The following MAP3K7CL variants were observed in gnomAD, a reference collection of about 807,000 sequenced individuals.
MAP3K7CL encodes MAP3K7 C-terminal-like protein.
MAP3K7CL carries 16 observed loss-of-function variants against 18.6 expected under a neutral mutation model. That is an observed-to-expected ratio of 0.86 (90% CI 0.58 to 1.31). The LOEUF is 1.31. Among genes scored for constraint, MAP3K7CL ranks in the 50% most tolerant of loss-of-function variants. The pLI is 0.00. For missense variants in MAP3K7CL, 163 were observed against 174.4 expected, an observed-to-expected ratio of 0.93 and a Z score of 0.37; for synonymous variants, 65 against 66.8, an observed-to-expected ratio of 0.97 and a Z score of 0.13.
At chr21:29,139,422 T>A (rs183368112) in intron 2 of MAP3K7CL, 3 of 152,352 alleles carry the variant, frequency 2.0e-5, no homozygotes, top group Non-Finnish European at 4.4e-5. Context: ...TCCTTCAACC[T>A]TTTCTACCTT....
chr21:29,143,082 C>T (rs891236795), intron 2 of MAP3K7CL, among the ~76,000 whole-genome samples: 1 of 152,228 alleles, frequency 6.6e-6, no homozygotes, highest in Admixed American at 6.5e-5. Context: ...AGGACACCAG[C>T]ACTCAGAGGT....
intron 4 of MAP3K7CL, among the ~76,000 whole-genome samples, chr21:29,095,321 G>A (rs1245476110): frequency 6.6e-6 from 1 of 151,862 alleles, no homozygotes; most frequent in African/African-American, 2.4e-5. Context: ...GCCCTTTCCC[G>A]TTTCCCAGCC....
At chr21:29,132,027 C>T (rs1468221713) in intron 1 of MAP3K7CL, among the ~76,000 whole-genome samples, 1 of 152,040 alleles carries the variant, frequency 6.6e-6, no homozygotes, top group Non-Finnish European at 1.5e-5. Context: ...GAGCTATTTC[C>T]CTTAAAATAT....
At chr21:29,130,309 A>G (rs1414168531), upstream of MAP3K7CL, among the ~76,000 whole-genome samples, 2 of 152,220 alleles carry the variant, frequency 1.3e-5, no homozygotes, top group Non-Finnish European at 2.9e-5. Flanking sequence ...CATGGGCTCA[A>G]CCTCAAACCT....
At chr21:29,155,017 G>C (rs116408829) in intron 3 of MAP3K7CL, among the ~76,000 whole-genome samples, 2 of 152,224 alleles carry the variant, frequency 1.3e-5, no homozygotes, top group South Asian at 2.1e-4. Flanking sequence ...CTTTACTCCA[G>C]TGTAACATGA....
intron 4 of MAP3K7CL, among the ~76,000 whole-genome samples, chr21:29,164,231 G>A (rs1471942872): frequency 6.6e-6 from 1 of 152,146 alleles, no homozygotes; most frequent in East Asian, 1.9e-4. Flanking sequence ...CTTTACTGAA[G>A]TGGAAATTCA....
chr21:29,077,281 C>G (rs1419133757), upstream of MAP3K7CL, among the ~76,000 whole-genome samples: 1 of 152,226 alleles, frequency 6.6e-6, no homozygotes, highest in African/African-American at 2.4e-5. Flanking sequence ...GCATGGCGGG[C>G]TGCAGGTCCC....
chr21:29,162,993 C>T (rs1052593158), intron 4 of MAP3K7CL, among the ~76,000 whole-genome samples: 32 of 152,206 alleles, frequency 2.1e-4, no homozygotes, highest in African/African-American at 7.2e-4. Context: ...TGCCTGTAAT[C>T]GCAGCTACTC....
intron 4 of MAP3K7CL, among the ~76,000 whole-genome samples, chr21:29,160,660 T>C (rs2087524367): frequency 6.6e-6 from 1 of 152,230 alleles, no homozygotes; most frequent in African/African-American, 2.4e-5. Context: ...ATCCCATTCT[T>C]TTATACTTGC....
intron 4 of MAP3K7CL, among the ~76,000 whole-genome samples, chr21:29,110,458 G>A (rs994742129): frequency 1.3e-5 from 2 of 151,714 alleles, no homozygotes; most frequent in South Asian, 2.1e-4. Context: ...GTACAGTGGC[G>A]TGATCTCAGC....
chr21:29,109,267 G>T, intron 4 of MAP3K7CL: 2 of 1,528,430 alleles, frequency 1.3e-6, no homozygotes, highest in South Asian at 1.2e-5. Context: ...ACCAGATAGT[G>T]CATGTGTGTG....
At chr21:29,110,514 A>C (rs568621821) in intron 4 of MAP3K7CL, among the ~76,000 whole-genome samples, 2 of 152,220 alleles carry the variant, frequency 1.3e-5, no homozygotes, top group South Asian at 4.2e-4. Context: ...CTCTTGCCTC[A>C]GTCTCCCAAG....
intron 3 of MAP3K7CL, chr21:29,092,313 A>G (rs1460370230): frequency 2.6e-6 from 3 of 1,139,624 alleles, no homozygotes; most frequent in African/African-American, 1.5e-5. Flanking sequence ...ACCATTAACA[A>G]CCCTCTCTAA....
intron 4 of MAP3K7CL, among the ~76,000 whole-genome samples, chr21:29,115,231 G>T (rs530695239): frequency 5.3e-5 from 8 of 152,274 alleles, no homozygotes; most frequent in African/African-American, 1.7e-4. Flanking sequence ...AGCCCAAAAG[G>T]TATCCTGTTT....
intron 4 of MAP3K7CL, among the ~76,000 whole-genome samples, chr21:29,119,158 A>G (rs964734539): frequency 6.6e-6 from 1 of 152,316 alleles, no homozygotes; most frequent in South Asian, 2.1e-4. Context: ...CCACAGTGTA[A>G]TTTTTGTTAG....
intron 3 of MAP3K7CL, chr21:29,092,415 G>C (rs752825123): frequency 6.2e-7 from 1 of 1,613,076 alleles, no homozygotes; most frequent in Admixed American, 1.7e-5. Context: ...TCATGACTTT[G>C]ATTTGGCCTT....
rs539755534 is a variant in MAP3K7CL at position 29,169,260 on chromosome 21, C to G, written c.249-5452C>G. On this transcript the variant is annotated intron_variant, in intron 4 of 4. Coordinates refer to ENST00000399928, the MANE Select transcript of MAP3K7CL (RefSeq NM_001286620.2). ...TCCTCCTGCACGGGTGCAGTGTTGCCCTTTGCTTCCCAATAGATATTAGTA... is the reference window on the plus strand; with the variant it reads ...TCCTCCTGCACGGGTGCAGTGTTGCGCTTTGCTTCCCAATAGATATTAGTA... Among the ~76,000 whole-genome samples the G allele has an allele frequency of 2.0e-4, 31 of 152,254 alleles. 1 individual carries two copies. In the South Asian group the frequency reaches 6.4e-3, roughly 32 times the overall value.
At chr21:29,136,316 T>C (rs1277350558) in intron 2 of MAP3K7CL, among the ~76,000 whole-genome samples, 4 of 152,242 alleles carry the variant, frequency 2.6e-5, no homozygotes, top group Middle Eastern at 3.4e-3. Flanking sequence ...GCCTTTTGAA[T>C]TCCAGTGCAT....
chr21:29,174,940 C>T lies in MAP3K7CL; in HGVS notation c.*48C>T. 1.3e-6 allele frequency: 2 copies of T among 1,547,190 alleles called. No homozygotes were observed. Among genetic ancestry groups the T allele is most frequent in the Non-Finnish European group, 1.8e-6 (2 of 1,140,432 alleles). On this transcript the variant is annotated 3_prime_UTR_variant, in exon 5 of 5. Transcript: ENST00000399928. ...ATACGAGGCTGATGACTGCCCTGTG[C>T]TGGCCAAAAGATTTTTATTTTAAAT...
Sources: gnomAD v4.1 joint callset for allele counts (sites outside exome capture counted in the v4.1 genomes callset) on GRCh38, gnomAD v4.1.1 for gene constraint, MANE v1.5 for transcripts, NCBI Gene and HGNC (gene_info 2026-07-23, HGNC 2026-07-21) for gene names.